The following SMOC2 variants were observed in gnomAD, a reference collection of about 807,000 sequenced individuals.
SMOC2 encodes the protein SPARC-related modular calcium-binding protein 2.
SMOC2 carries 39 observed loss-of-function variants against 61.4 expected under a neutral mutation model. That is an observed-to-expected ratio of 0.64 (90% CI 0.49 to 0.83). The LOEUF (loss-of-function observed/expected upper bound fraction) is 0.83. Ranked by LOEUF, SMOC2 falls within the 40% of genes least tolerant of loss-of-function variation. The probability of loss-of-function intolerance (pLI) is 0.00; values close to 1 mark genes in which losing one functional copy is unlikely to be tolerated. For missense variants in SMOC2, 556 were observed against 592.9 expected, an observed-to-expected ratio of 0.94 and a Z score of 0.65; for synonymous variants, 247 against 239.9, an observed-to-expected ratio of 1.03 and a Z score of -0.27.
At chr6:168,575,139 C>T (rs1784768484) in intron 7 of SMOC2, among the ~76,000 whole-genome samples, 1 of 152,142 alleles carries the variant, frequency 6.6e-6, no homozygotes, top group Non-Finnish European at 1.5e-5. Context: ...TGGACTGGGC[C>T]TGCCTTTAGG....
At chr6:168,474,275 G>C (rs1212396324) in intron 1 of SMOC2, among the ~76,000 whole-genome samples, 1 of 152,092 alleles carries the variant, frequency 6.6e-6, no homozygotes, top group African/African-American at 2.4e-5. Flanking sequence ...TGTGCATAAG[G>C]GGGAGGGACG....
chr6:168,565,713 C>G (rs1784525785), intron 7 of SMOC2, among the ~76,000 whole-genome samples: 1 of 152,136 alleles, frequency 6.6e-6, no homozygotes, highest in Admixed American at 6.6e-5. Context: ...CTGAAACTGC[C>G]CCTGCTCTGT....
chr6:168,587,713 A>G (rs1271240237), intron 7 of SMOC2, among the ~76,000 whole-genome samples: 1 of 152,198 alleles, frequency 6.6e-6, no homozygotes, highest in Non-Finnish European at 1.5e-5. Context: ...TCCTTGGTCC[A>G]TGGGAATTTC....
chr6:168,623,476 A>C (rs1786299173), intron 9 of SMOC2, among the ~76,000 whole-genome samples: 1 of 127,542 alleles, frequency 7.8e-6, no homozygotes, highest in Non-Finnish European at 1.6e-5. Context: ...ACACCACCCC[A>C]CCTGGCTTAT....
chr6:168,497,183 C>G (rs1255394387), intron 1 of SMOC2, among the ~76,000 whole-genome samples: 1 of 152,246 alleles, frequency 6.6e-6, no homozygotes. Context: ...GGGCCCCAAG[C>G]CCATGACTGG....
chr6:168,448,804 C>T (rs542784867), intron 1 of SMOC2, among the ~76,000 whole-genome samples: 3 of 152,248 alleles, frequency 2.0e-5, no homozygotes, highest in East Asian at 1.9e-4. Context: ...AGGATGGAAA[C>T]GTGTTGTTGG....
Position 168,598,870 on chromosome 6 carries a change from C to T in SMOC2, c.690C>T (p.Pro230=). 1 of 1,613,852 alleles carries T rather than the reference C, an allele frequency of 6.2e-7. No homozygotes were observed. The highest frequency in any genetic ancestry group is 8.5e-7 in the Non-Finnish European group (1 of 1,179,850). ...HQSALEEAKQ[P]KNDNVVIPEC... ...CTGCCCTGGAGGAAGCCAAGCAGCC[C>T]AAGAACGACAATGTGGTGATCCCTG... is the stretch of plus-strand genomic sequence containing the variant. The change falls in exon 8 of 13, where the codon CCC becomes CCT. Residue 230 remains proline (P), a synonymous_variant. Coordinates refer to ENST00000356284, the MANE Select transcript of SMOC2 (RefSeq NM_001166412.2).
At chr6:168,596,606 A>T (rs375889805) in intron 7 of SMOC2, among the ~76,000 whole-genome samples, 1 of 152,248 alleles carries the variant, frequency 6.6e-6, no homozygotes, top group East Asian at 1.9e-4. Context: ...GCGCAGTTCC[A>T]TTGAGTGATG....
rs570538926 is a variant in SMOC2 at position 168,597,783 on chromosome 6, G to T, written c.638-1035G>T. On this transcript the variant is annotated intron_variant, in intron 7 of 12. Coordinates refer to ENST00000356284, the MANE Select transcript of SMOC2 (RefSeq NM_001166412.2). The stretch of plus-strand genomic sequence containing the variant: ...GCTCCACCTGCGTGTTCCTGCTGCA[G>T]CCAACAACAGGTCACATGGTCTTTC... 4.6e-5 allele frequency among the ~76,000 whole-genome samples: 7 copies of T among 152,322 alleles called. No homozygotes were observed. In the South Asian group the frequency reaches 1.5e-3, roughly 32 times the overall value.
intron 7 of SMOC2, among the ~76,000 whole-genome samples, chr6:168,587,500 CTTAA>C (rs1583135149): frequency 6.6e-6 from 1 of 152,246 alleles, no homozygotes; most frequent in African/African-American, 2.4e-5. Flanking sequence ...GGGACAACTT[CTTAA>C]GCAGATATGA....
At chr6:168,582,696 C>T (rs893372703) in intron 7 of SMOC2, among the ~76,000 whole-genome samples, 16 of 152,202 alleles carry the variant, frequency 1.1e-4, no homozygotes, top group African/African-American at 2.2e-4. Flanking sequence ...CATGGAGAGA[C>T]GCAGGCTCCC....
chr6:168,496,125 C>G (rs1194931948), intron 1 of SMOC2, among the ~76,000 whole-genome samples: 2 of 152,336 alleles, frequency 1.3e-5, no homozygotes, highest in East Asian at 3.9e-4. Context: ...TTTCAAGACA[C>G]TGTTCTTAAG....
At chr6:168,657,902 C>A (rs777778334) in intron 11 of SMOC2, among the ~76,000 whole-genome samples, 1 of 152,170 alleles carries the variant, frequency 6.6e-6, no homozygotes, top group Non-Finnish European at 1.5e-5. Context: ...CCTCCCAACG[C>A]CTCTGTATTA....
chr6:168,564,555 G>A (rs988254887), intron 7 of SMOC2, among the ~76,000 whole-genome samples: 1 of 152,190 alleles, frequency 6.6e-6, no homozygotes, highest in African/African-American at 2.4e-5. Context: ...TATGGATATT[G>A]TAGCACTTCT....
At chr6:168,517,866 G>A (rs922858016) in intron 2 of SMOC2, among the ~76,000 whole-genome samples, 1 of 152,174 alleles carries the variant, frequency 6.6e-6, no homozygotes, top group African/African-American at 2.4e-5. Context: ...GGCTCTGCAG[G>A]TGTCCCGATG....
At chr6:168,446,891 T>G (rs758745739) in intron 1 of SMOC2, among the ~76,000 whole-genome samples, 4 of 152,254 alleles carry the variant, frequency 2.6e-5, no homozygotes, top group Non-Finnish European at 4.4e-5. Context: ...TCAGAATGAC[T>G]TCTTTTTGAT....
At chr6:168,510,828 T>C (rs1479318805) in intron 2 of SMOC2, among the ~76,000 whole-genome samples, 1 of 152,224 alleles carries the variant, frequency 6.6e-6, no homozygotes, top group East Asian at 1.9e-4. Flanking sequence ...TGCAATATAA[T>C]ACCAGGTAAA....
chr6:168,542,333 T>A (rs1783891855), intron 4 of SMOC2, among the ~76,000 whole-genome samples: 1 of 152,184 alleles, frequency 6.6e-6, no homozygotes, highest in South Asian at 2.1e-4. Flanking sequence ...CTGGAAACAA[T>A]GTAATATGTA....
chr6:168,487,192 A>G (rs1782356945), intron 1 of SMOC2, among the ~76,000 whole-genome samples: 2 of 152,084 alleles, frequency 1.3e-5, no homozygotes, highest in South Asian at 2.1e-4. Context: ...GCAAAGCTGC[A>G]CCTCCACAGG....
Sources: gnomAD v4.1 joint callset for allele counts (sites outside exome capture counted in the v4.1 genomes callset) on GRCh38, gnomAD v4.1.1 for gene constraint, MANE v1.5 for transcripts, NCBI Gene and HGNC (gene_info 2026-07-23, HGNC 2026-07-21) for gene names.